FCHSD2: variants seen among roughly 807,000 people sequenced by gnomAD.
FCHSD2 encodes the protein F-BAR and double SH3 domains protein 2.
In FCHSD2, 38 loss-of-function variants were observed where a neutral mutation model predicts 108.1. The observed-to-expected ratio is 0.35, with a 90% confidence interval of 0.27 to 0.46. The LOEUF is 0.46. Among genes scored for constraint, FCHSD2 ranks in the 20% least tolerant of loss-of-function variants. FCHSD2 has a pLI of 1.00. For missense variants in FCHSD2, 751 were observed against 897.8 expected (o/e 0.84, Z 2.09); for synonymous variants, 279 against 314.7 (o/e 0.89, Z 1.20).
chr11:73,073,954 T>C (rs1859489863), intron 3 of FCHSD2, among the ~76,000 whole-genome samples: 1 of 151,984 alleles, frequency 6.6e-6, no homozygotes, highest in Admixed American at 6.6e-5. Flanking sequence ...TCAGGCAGCA[T>C]ATGGGAGAAA....
At chr11:73,047,206 C>T (rs1858789406) in intron 3 of FCHSD2, among the ~76,000 whole-genome samples, 1 of 150,826 alleles carries the variant, frequency 6.6e-6, no homozygotes, top group Non-Finnish European at 1.5e-5. Flanking sequence ...TTTCATGTAC[C>T]ACCCATATTA....
intron 8 of FCHSD2, among the ~76,000 whole-genome samples, chr11:72,978,443 C>T (rs1336630200): frequency 1.3e-5 from 2 of 152,174 alleles, no homozygotes; most frequent in Non-Finnish European, 2.9e-5. Context: ...CATTGACCAT[C>T]AGAGAAACAT....
intron 8 of FCHSD2, among the ~76,000 whole-genome samples, chr11:72,958,105 C>T (rs1856748976): frequency 6.6e-6 from 1 of 152,178 alleles, no homozygotes; most frequent in African/African-American, 2.4e-5. Flanking sequence ...AATATTTTGG[C>T]TTCATTTCAC....
At chr11:73,117,966 A>G (rs1860642637) in intron 2 of FCHSD2, among the ~76,000 whole-genome samples, 1 of 152,194 alleles carries the variant, frequency 6.6e-6, no homozygotes, top group Non-Finnish European at 1.5e-5. Context: ...CATATTATAT[A>G]TACATTTTCT....
rs529670615 is a variant in FCHSD2 at position 73,107,650 on chromosome 11, T to C, written c.120-23910A>G. Among the ~76,000 whole-genome samples, 82 of 152,344 alleles carry C rather than the reference T, an allele frequency of 5.4e-4. No individual in the cohort carries two copies. In the Middle Eastern group the frequency reaches 0.037, roughly 70 times the overall value. On this transcript the variant is annotated intron_variant, in intron 2 of 19. Transcript: ENST00000409418. ...TCCTTCTACTCTCGAGTTCCATGAG[T>C]TCAAATGTTTTCATTTTTAGCTCCT...
At chr11:72,921,068 C>T (rs1855968190) in intron 9 of FCHSD2, among the ~76,000 whole-genome samples, 1 of 150,056 alleles carries the variant, frequency 6.7e-6, no homozygotes, top group Non-Finnish European at 1.5e-5. Context: ...TCTCACTCTC[C>T]CTGACAAAAA....
intron 14 of FCHSD2, among the ~76,000 whole-genome samples, chr11:72,846,772 A>G (rs1861157001): frequency 6.6e-6 from 1 of 152,182 alleles, no homozygotes; most frequent in Non-Finnish European, 1.5e-5. Context: ...ATTATATCAT[A>G]CATGTTCATC....
At chr11:73,015,132 C>T (rs1019167953) in intron 4 of FCHSD2, among the ~76,000 whole-genome samples, 5 of 152,252 alleles carry the variant, frequency 3.3e-5, no homozygotes, top group South Asian at 2.1e-4. Context: ...GCGTAAGCCA[C>T]TGCCCCTGGC....
intron 12 of FCHSD2, among the ~76,000 whole-genome samples, chr11:72,876,322 A>G (rs1854969498): frequency 6.6e-6 from 1 of 152,172 alleles, no homozygotes; most frequent in Admixed American, 6.5e-5. Flanking sequence ...AGATGGTCTC[A>G]AAAGAAAATA....
intron 3 of FCHSD2, among the ~76,000 whole-genome samples, chr11:73,038,532 T>C (rs1339195654): frequency 6.6e-6 from 1 of 152,080 alleles, no homozygotes; most frequent in Non-Finnish European, 1.5e-5. Context: ...AAGAATGAAA[T>C]CTTGTCCTTT....
In FCHSD2 at chr11:73,047,520, G is replaced by C. The variant is rs146574639; in HGVS notation, c.166-31635C>G. Among the ~76,000 whole-genome samples, 295 of 152,202 alleles carry C rather than the reference G, an allele frequency of 1.9e-3. 1 individual carries two copies. Among genetic ancestry groups the C allele is most frequent in the African/African-American group, 6.6e-3 (273 of 41,524 alleles). ...TCCCCAGATAGAACAAAAAATACTG[G>C]TCATTGACAGTACCTAGCCACTGCC... On this transcript the variant is annotated intron_variant, in intron 3 of 19. Coordinates refer to ENST00000409418, the MANE Select transcript of FCHSD2 (RefSeq NM_014824.3).
chr11:72,853,422 T>A (rs551101442), intron 13 of FCHSD2, among the ~76,000 whole-genome samples: 1 of 152,280 alleles, frequency 6.6e-6, no homozygotes, highest in South Asian at 2.1e-4. Context: ...GATTTGGCAA[T>A]GATTTTTTTG....
intron 5 of FCHSD2, among the ~76,000 whole-genome samples, chr11:72,997,688 C>T (rs1338075746): frequency 1.3e-5 from 2 of 152,132 alleles, no homozygotes; most frequent in Non-Finnish European, 2.9e-5. Flanking sequence ...CATTAAGATT[C>T]CAAAATATGA....
chr11:72,870,203 T>C (rs1396453067), intron 12 of FCHSD2, among the ~76,000 whole-genome samples: 1 of 152,164 alleles, frequency 6.6e-6, no homozygotes, highest in Non-Finnish European at 1.5e-5. Flanking sequence ...CAACCTTCCT[T>C]AGGCAGTTAA....
intron 2 of FCHSD2, among the ~76,000 whole-genome samples, chr11:73,084,975 A>G (rs1467032343): frequency 1.3e-5 from 2 of 151,924 alleles, no homozygotes; most frequent in African/African-American, 4.8e-5. Flanking sequence ...AAAAAAAAAA[A>G]GGAAAGCACT....
chr11:73,118,318 C>CA (rs965740099), intron 2 of FCHSD2, among the ~76,000 whole-genome samples: 59 of 151,900 alleles, frequency 3.9e-4, no homozygotes, highest in African/African-American at 1.3e-3. Context: ...GACTCCATCT[C>CA]AAAAAAACAA....
intron 3 of FCHSD2, among the ~76,000 whole-genome samples, chr11:73,081,824 T>C (rs1169852682): frequency 6.6e-6 from 1 of 152,168 alleles, no homozygotes; most frequent in African/African-American, 2.4e-5. Flanking sequence ...CCAGATAACA[T>C]ATATAAAATA....
chr11:72,924,266 C>G (rs1856031509), intron 8 of FCHSD2, among the ~76,000 whole-genome samples: 1 of 151,984 alleles, frequency 6.6e-6, no homozygotes, highest in Non-Finnish European at 1.5e-5. Flanking sequence ...TTGATGCAGT[C>G]TAATTTAGCT....
intron 3 of FCHSD2, chr11:73,077,619 T>A (rs1859588310): frequency 2.3e-6 from 1 of 436,952 alleles, no homozygotes; most frequent in African/African-American, 2.0e-5. Flanking sequence ...ATAACTCACA[T>A]GTCCATCAAC....
Sources: gnomAD v4.1 joint callset for allele counts (sites outside exome capture counted in the v4.1 genomes callset) on GRCh38, gnomAD v4.1.1 for gene constraint, MANE v1.5 for transcripts, NCBI Gene and HGNC (gene_info 2026-07-23, HGNC 2026-07-21) for gene names.